MEGF6: variants seen among roughly 807,000 people sequenced by gnomAD.
MEGF6 encodes multiple epidermal growth factor-like domains protein 6.
A neutral mutation model predicts 207.1 loss-of-function variants in MEGF6; 184 were observed. That is an observed-to-expected ratio of 0.89 (90% confidence interval 0.79 to 1.00). The LOEUF is 1.00. Ranked by LOEUF, MEGF6 falls within the 50% of genes least tolerant of loss-of-function variation. The pLI, the probability that MEGF6 is intolerant of heterozygous loss-of-function variation, is 0.00. For synonymous variants in MEGF6, 1,038 were observed against 910.0 expected (o/e 1.14, Z -2.53); for missense variants, 2,282 against 2,202.9 (o/e 1.04, Z -0.72).
intron 4 of MEGF6, among the ~76,000 whole-genome samples, chr1:3,548,529 G>T (rs1642788231): frequency 6.6e-6 from 1 of 152,370 alleles, no homozygotes; most frequent in Non-Finnish European, 1.5e-5. Flanking sequence ...CAGAGCCAAG[G>T]TGCCCAGGGT....
intron 4 of MEGF6, among the ~76,000 whole-genome samples, chr1:3,567,479 C>G (rs188485464): frequency 6.6e-6 from 1 of 152,200 alleles, no homozygotes; most frequent in Non-Finnish European, 1.5e-5. Context: ...ATTGATTGCA[C>G]GTGGGCTGCG....
rs577273187 is a variant in MEGF6, at chr1:3,511,760, C to G, written c.977-73G>C. 2.1e-5 allele frequency: 33 copies of G among 1,554,676 alleles called. No individual in the cohort carries two copies. The South Asian group carries it at 3.0e-4, about 14-fold the overall frequency. On this transcript the variant is annotated intron_variant, in intron 8 of 36. Coordinates refer to ENST00000356575, the MANE Select transcript of MEGF6 (RefSeq NM_001409.4). ...CCCCCACCTACCTTAGTTACCCCTACCTCCACCCAGCAGCCAGCCTCGGGC... is the reference window on the plus strand; with the variant it reads ...CCCCCACCTACCTTAGTTACCCCTAGCTCCACCCAGCAGCCAGCCTCGGGC...
intron 12 of MEGF6, 129 bp from the exon 13 acceptor site, chr1:3,508,818 A>C: frequency 8.0e-7 from 1 of 1,246,344 alleles, no homozygotes; most frequent in East Asian, 2.5e-5. Context: ...GGGCCCCCAA[A>C]GGGTGACATG....
rs1245858942 is a variant in MEGF6 at position 3,489,903 on chromosome 1, AAC to A, written c.*623_*624del. On this transcript the variant is annotated 3_prime_UTR_variant, in exon 37 of 37. Coordinates refer to ENST00000356575, the MANE Select transcript of MEGF6 (RefSeq NM_001409.4). ...CACACAGAGTCCACGTAACACAGCA[AAC>A]ACACAGGCCACGAGGAGGTTGCCTG... The A allele has an allele frequency of 2.0e-5, 3 of 152,472 alleles. No individual in the cohort carries two copies. The highest frequency in any genetic ancestry group is 2.0e-4 in the Admixed American group (3 of 15,284). The allele number at this position is 152,472 out of a possible 1,614,324, so 9.4% of individuals were successfully genotyped here. A position where few individuals can be genotyped will look rare whatever the true frequency, so the allele number is the denominator to read the frequency against.
At chr1:3,618,908 G>A in the MEGF6 span, among the ~76,000 whole-genome samples, 20 of 152,334 alleles carry the variant, frequency 1.3e-4, no homozygotes, top group East Asian at 2.1e-3. The surrounding 1 kb of genome is among the most constrained non-coding windows in gnomAD (Gnocchi z 4.7). Flanking sequence ...CAACCTGGGG[G>A]AGCTGGTGCC....
rs1640918679 is a variant in MEGF6 at position 3,502,053 on chromosome 1, C to T, written c.2189-132G>A. ...GCTCCTGGCGAGTGTGCCCCCCCGG[C>T]GCCTCCTCACATGGGCTCCTGGCGA... On this transcript the variant is annotated intron_variant, in intron 17 of 36. Coordinates refer to ENST00000356575, the MANE Select transcript of MEGF6 (RefSeq NM_001409.4). 9.7e-4 allele frequency: 906 copies of T among 929,238 alleles called. 25 individuals carry two copies. The highest frequency in any genetic ancestry group is 2.9e-3 in the African/African-American group (67 of 22,720). The allele number at this position is 929,238 out of a possible 1,614,324, so 57.6% of individuals were successfully genotyped here.
chr1:3,492,726 A>G lies in MEGF6; in HGVS notation c.4429T>C (p.Cys1477Arg), dbSNP rs1302919393. The change falls in exon 35 of 37, where the codon TGT becomes CGT. Residue 1477 changes from cysteine (C) to arginine (R), a missense_variant. By Grantham distance (180) the Cys-to-Arg change is radical. Transcript: ENST00000356575. ...GQFGPSCTLH[C>R]DCGGGADCDP... The stretch of plus-strand genomic sequence containing the variant: ...CAGTCAGCCCCACCCCCGCAGTCAC[A>G]GTGCAGGGTGCAGCTGGGCCCAAAC... 1 of 1,612,458 alleles carries G rather than the reference A, an allele frequency of 6.2e-7. No individual in the cohort carries two copies. The highest frequency in any genetic ancestry group is 1.3e-5 in the African/African-American group (1 of 74,916).
chr1:3,564,690 G>T (rs759721934), intron 4 of MEGF6, among the ~76,000 whole-genome samples: 4 of 152,152 alleles, frequency 2.6e-5, no homozygotes, highest in Non-Finnish European at 5.9e-5. Context: ...CCCCAAAGCA[G>T]GGGTATGGCC....
In MEGF6 at chr1:3,505,318, G is replaced by A. The variant is rs1358503465; in HGVS notation, c.2078C>T (p.Pro693Leu). 11 of 1,611,518 alleles carry A rather than the reference G, an allele frequency of 6.8e-6. No homozygotes were observed. The highest frequency in any genetic ancestry group is 9.3e-6 in the Non-Finnish European group (11 of 1,179,446). Reference sequence around the variant, plus strand: ...GCAGGTGCATGCCTGCCAGCACCCCGGCCCAAAGTAGCCCAGCTCACACTC... The same window carrying A: ...GCAGGTGCATGCCTGCCAGCACCCCAGCCCAAAGTAGCCCAGCTCACACTC... Reference protein sequence around the residue: ...QAECELGYFGPGCWQACTCPV... With the variant: ...QAECELGYFGLGCWQACTCPV... Residue 693 changes from proline (P) to leucine (L), a missense_variant, in exon 17 of 37, where the codon CCG becomes CTG. Pro to Leu is a moderately conservative substitution (Grantham distance 98). Transcript: ENST00000356575.
At chr1:3,494,804 AT>A in intron 30 of MEGF6, 63 bp from the exon 31 acceptor site, 1 of 1,475,128 alleles carries the variant, frequency 6.8e-7, no homozygotes, top group Non-Finnish European at 9.0e-7. Flanking sequence ...CTCTGGGGAT[AT>A]GTCCCCACAG....
chr1:3,533,966 C>T (rs1642251346), intron 4 of MEGF6, among the ~76,000 whole-genome samples: 1 of 152,214 alleles, frequency 6.6e-6, no homozygotes, highest in Non-Finnish European at 1.5e-5. Flanking sequence ...GAGGCACCAG[C>T]CGCACCCTCA....
At chr1:3,506,000 T>C (rs539602483) in intron 15 of MEGF6, 108 bp downstream of exon 15, 2 of 1,421,586 alleles carry the variant, frequency 1.4e-6, no homozygotes, top group East Asian at 2.5e-5. Context: ...GTGACCTGGC[T>C]GGGCCCCGAT....
chr1:3,507,991 G>T, intron 13 of MEGF6, 68 bp from the exon 14 acceptor site: 1 of 1,553,770 alleles, frequency 6.4e-7, no homozygotes. Context: ...CCTTCCTAGG[G>T]TTGGAGGCTT....
chr1:3,514,763 C>T, intron 6 of MEGF6, 91 bp from the exon 7 acceptor site: 2 of 1,365,038 alleles, frequency 1.5e-6, no homozygotes. Context: ...AGACCCCTCA[C>T]CCAGTGCTCT....
intron 3 of MEGF6, 117 bp from the exon 4 acceptor site, chr1:3,580,046 G>A (rs1323847536): frequency 2.8e-5 from 19 of 677,390 alleles, no homozygotes; most frequent in African/African-American, 3.8e-5. Flanking sequence ...CCCCAGCCCC[G>A]TTCTCTCTGT....
intron 3 of MEGF6, among the ~76,000 whole-genome samples, chr1:3,592,906 C>T (rs930642464): frequency 7.2e-5 from 11 of 152,336 alleles, no homozygotes; most frequent in African/African-American, 2.4e-4. Flanking sequence ...GAGACCCCAC[C>T]GACGTGACAA....
rs79600648 is a variant in MEGF6, at chr1:3,505,352, G to A, written c.2054-10C>T. ...TAGCCCAGCTCACACTCTGCAGGGC[G>A]TGAGAGAGGGGTGGGTGGGGTTAAC... On this transcript the variant is annotated splice_polypyrimidine_tract_variant and intron_variant, in intron 16 of 36. Coordinates refer to ENST00000356575, the MANE Select transcript of MEGF6 (RefSeq NM_001409.4). 12 of 1,609,322 alleles carry A rather than the reference G, an allele frequency of 7.5e-6. No individual in the cohort carries two copies. Among genetic ancestry groups the A allele is most frequent in the Middle Eastern group, 1.6e-4 (1 of 6,074 alleles).
intron 1 of MEGF6, among the ~76,000 whole-genome samples, chr1:3,605,311 T>C (rs1644228381): frequency 6.6e-6 from 1 of 151,676 alleles, no homozygotes; most frequent in Admixed American, 6.6e-5. Flanking sequence ...CACATTCACA[T>C]TCATATGCAT....
rs181362162 is a variant in MEGF6, at chr1:3,594,194, C to G, written c.376+1144G>C. Among the ~76,000 whole-genome samples, 34 of 152,268 alleles carry G rather than the reference C, an allele frequency of 2.2e-4. No homozygotes were observed. The highest frequency in any genetic ancestry group is 7.9e-4 in the African/African-American group (33 of 41,548). On this transcript the variant is annotated intron_variant, in intron 3 of 36. Coordinates refer to ENST00000356575, the MANE Select transcript of MEGF6 (RefSeq NM_001409.4). The surrounding 1 kb of genome is among the most constrained non-coding windows in gnomAD (Gnocchi z 4.2). ...CTGTAATCCCAGCACTTTGGAAGGC[C>G]GAGGTGGAAGGATCGCTTGAGCCTA...
Sources: gnomAD v4.1 joint callset for allele counts (sites outside exome capture counted in the v4.1 genomes callset) on GRCh38, gnomAD v4.1.1 for gene constraint, Gnocchi (gnomAD v3.1) non-coding constraint, MANE v1.5 for transcripts, NCBI Gene and HGNC (gene_info 2026-07-23, HGNC 2026-07-21) for gene names.